The following CA7 variants were observed in gnomAD, a reference collection of about 807,000 sequenced individuals.
CA7 encodes carbonate dehydratase VII.
In CA7, 13 loss-of-function variants were observed where a neutral mutation model predicts 31.4. The observed-to-expected ratio is 0.41, with a 90% CI of 0.27 to 0.66. The LOEUF (loss-of-function observed/expected upper bound fraction) is 0.66. Ranked by LOEUF, CA7 falls within the 30% of genes least tolerant of loss-of-function variation. CA7 has a pLI of 0.28. For synonymous variants in CA7, 128 were observed against 133.2 expected (o/e 0.96, Z 0.27); for missense variants, 215 against 351.0 (o/e 0.61, Z 3.10).
At chr16:66,850,242 C>A (rs1429859990) in intron 2 of CA7, among the ~76,000 whole-genome samples, 1 of 151,938 alleles carries the variant, frequency 6.6e-6, no homozygotes, top group Admixed American at 6.6e-5. Context: ...GAGTTCAAGA[C>A]CAGCCTGGCC....
rs546549589 is a variant in CA7, at chr16:66,844,416, G to A, written c.-72G>A. 1.5e-6 allele frequency: 2 copies of A among 1,332,120 alleles called. No individual in the cohort carries two copies. The highest frequency in any genetic ancestry group is 2.8e-5 in the East Asian group (1 of 36,204). The allele number at this position is 1,332,120 out of a possible 1,614,324, so 82.5% of individuals were successfully genotyped here. A position where few individuals can be genotyped will look rare whatever the true frequency, so the allele number is the denominator to read the frequency against. ...GAGGCTGCTCCGCGGTAGCGAGCGGGGCCGGAGCCGCAGCCCGAACGAGCG... is the reference window on the plus strand; with the variant it reads ...GAGGCTGCTCCGCGGTAGCGAGCGGAGCCGGAGCCGCAGCCCGAACGAGCG... On this transcript the variant is annotated 5_prime_UTR_variant, in exon 1 of 7. Coordinates refer to ENST00000338437, the MANE Select transcript of CA7 (RefSeq NM_005182.3).
In CA7 at chr16:66,851,542, T is replaced by C; in HGVS notation, c.437T>C (p.Val146Ala). The change falls in exon 4 of 7, where the codon GTT becomes GCT. Residue 146 changes from valine (V) to alanine (A), a missense_variant. By Grantham distance (64) the Val-to-Ala change is moderately conservative. Transcript: ENST00000338437. ...AASAPDGLAV[V>A]GVFLETGDEH... is the part of the protein sequence containing the mutation. The stretch of plus-strand genomic sequence containing the variant: ...TCAGCACCTGATGGCCTGGCTGTGG[T>C]TGGTGTTTTTTTGGAGGTGAGTGGT... 2 of 1,613,886 alleles carry C rather than the reference T, an allele frequency of 1.2e-6. No homozygotes were observed. The highest frequency in any genetic ancestry group is 1.7e-6 in the Non-Finnish European group (2 of 1,179,944).
rs1961106738 is a variant in CA7, at chr16:66,853,318, G to C, written c.673-58G>C. 4 of 1,609,538 alleles carry C rather than the reference G, an allele frequency of 2.5e-6. No homozygotes were observed. The South Asian group carries it at 4.4e-5, about 18-fold the overall frequency. On this transcript the variant is annotated intron_variant, in intron 6 of 6. Coordinates refer to ENST00000338437, the MANE Select transcript of CA7 (RefSeq NM_005182.3). This position sits in a 1 kb window ranked among gnomAD's most constrained non-coding sequence, Gnocchi z 4.5. ...AGGTATGCCAGATGATGCATCTGGG[G>C]TCATAGAGGACCACAGCACCCCCAA... is the stretch of plus-strand genomic sequence containing the variant.
chr16:66,845,047 G>A (rs1284135447), intron 1 of CA7: 1 of 986,076 alleles, frequency 1.0e-6, no homozygotes, highest in Non-Finnish European at 1.2e-6. Flanking sequence ...CGGTACGTGA[G>A]GGAAGGGGGC....
chr16:66,849,215 T>C (rs561215037), intron 2 of CA7, among the ~76,000 whole-genome samples: 3 of 152,180 alleles, frequency 2.0e-5, no homozygotes, highest in South Asian at 4.1e-4. Context: ...GCTCACTGGG[T>C]GTCAAGGCAA....
chr16:66,851,434 C>T (rs373509716), intron 3 of CA7, 29 bp from the exon 4 acceptor site: 161 of 1,587,942 alleles, frequency 1.0e-4, no homozygotes, highest in East Asian at 2.9e-4. Context: ...CTGGGAGGCA[C>T]GAAGCATTGG....
chr16:66,845,295 T>G, intron 1 of CA7: 1 of 943,142 alleles, frequency 1.1e-6, no homozygotes. Context: ...GGGCCATTTC[T>G]TACCAAGCAG....
chr16:66,847,333 C>A, intron 2 of CA7, 106 bp downstream of exon 2: 2 of 933,840 alleles, frequency 2.1e-6, no homozygotes, highest in Non-Finnish European at 3.4e-6. Context: ...AAGAAAGGTT[C>A]CTCCTCTCAC....
rs1435978177 is a variant in CA7 at position 66,853,535 on chromosome 16, C to T, written c.*37C>T. 1 of 1,611,452 alleles carries T rather than the reference C, an allele frequency of 6.2e-7. No homozygotes were observed. The highest frequency in any genetic ancestry group is 1.1e-5 in the South Asian group (1 of 90,986). ...GCCTAGCCGGCCACTAGGGCACCAT[C>T]TTCTCAAGGGCTTCCATGTCAGCAG... On this transcript the variant is annotated 3_prime_UTR_variant, in exon 7 of 7. Coordinates refer to ENST00000338437, the MANE Select transcript of CA7 (RefSeq NM_005182.3). The surrounding 1 kb of genome is among the most constrained non-coding windows in gnomAD (Gnocchi z 4.5).
At chr16:66,844,831 A>C (rs1960889788) in intron 1 of CA7, 15 of 913,830 alleles carry the variant, frequency 1.6e-5, no homozygotes, top group Middle Eastern at 4.1e-4. Context: ...CCAGACTCTC[A>C]CTCACTCGCC....
chr16:66,851,521 C>T lies in CA7; in HGVS notation c.416C>T (p.Ala139Val). 1 of 1,614,110 alleles carries T rather than the reference C, an allele frequency of 6.2e-7. No homozygotes were observed. Among genetic ancestry groups the T allele is most frequent in the Non-Finnish European group, 8.5e-7 (1 of 1,180,004 alleles). The change falls in exon 4 of 7, where the codon GCA (alanine) becomes GTA (valine). Residue 139 changes from alanine (A) to valine (V), a missense_variant. Ala to Val is a moderately conservative substitution (Grantham distance 64). Transcript: ENST00000338437. The part of the protein sequence containing the change: ...KYSTFGEAAS[A>V]PDGLAVVGVF... ...AGCACTTTTGGGGAGGCGGCCTCAG[C>T]ACCTGATGGCCTGGCTGTGGTTGGT...
chr16:66,853,087 AC>A lies in CA7; in HGVS notation c.672+225del, dbSNP rs1240543333. Among the ~76,000 whole-genome samples, 1 of 151,976 alleles carries A rather than the reference AC, an allele frequency of 6.6e-6. No individual in the cohort carries two copies. The highest frequency in any genetic ancestry group is 1.5e-5 in the Non-Finnish European group (1 of 67,974). On this transcript the variant is annotated intron_variant, in intron 6 of 6. Coordinates refer to ENST00000338437, the MANE Select transcript of CA7 (RefSeq NM_005182.3). The surrounding 1 kb of genome is among the most constrained non-coding windows in gnomAD (Gnocchi z 4.5). ...GGAGCGGGGATACCTGGATCCTGGG[AC>A]CCCCACCCCCGCTACTGTGTTGGAA... is the stretch of plus-strand genomic sequence containing the variant.
Position 66,853,257 on chromosome 16 carries a change from A to G in CA7, c.673-119A>G. The G allele has an allele frequency of 3.9e-6, 5 of 1,267,792 alleles. No individual in the cohort carries two copies. Among genetic ancestry groups the G allele is most frequent in the Non-Finnish European group, 4.5e-6 (4 of 888,532 alleles). The allele number at this position is 1,267,792 out of a possible 1,614,324, so 78.5% of individuals were successfully genotyped here. A position where few individuals can be genotyped will look rare whatever the true frequency, so the allele number is the denominator to read the frequency against. ...GTGGGGAAGAGTAGGGACAGACCCT[A>G]AGGGAAGGAGGAGGGAGGGGTAGAG... On this transcript the variant is annotated intron_variant, in intron 6 of 6. Coordinates refer to ENST00000338437, the MANE Select transcript of CA7 (RefSeq NM_005182.3). The surrounding 1 kb of genome is among the most constrained non-coding windows in gnomAD (Gnocchi z 4.5).
intron 1 of CA7, among the ~76,000 whole-genome samples, chr16:66,846,056 G>T (rs1002254807): frequency 1.3e-5 from 2 of 152,150 alleles, no homozygotes; most frequent in African/African-American, 4.8e-5. Context: ...AGCACCAGCC[G>T]GCAGTAGCTC....
At chr16:66,844,963 G>T (rs1004786475) in intron 1 of CA7, 13 of 998,404 alleles carry the variant, frequency 1.3e-5, no homozygotes, top group Middle Eastern at 5.0e-4. Context: ...GGGGGAGCGG[G>T]GCTCCGCGTG....
chr16:66,851,329 C>A, intron 3 of CA7, 134 bp from the exon 4 acceptor site: 1 of 806,270 alleles, frequency 1.2e-6, no homozygotes, highest in Non-Finnish European at 2.1e-6. Flanking sequence ...CCCCCAGCAT[C>A]CTAATCCTTG....
intron 2 of CA7, among the ~76,000 whole-genome samples, chr16:66,848,955 G>A (rs1960982561): frequency 6.6e-6 from 1 of 152,182 alleles, no homozygotes; most frequent in African/African-American, 2.4e-5. Flanking sequence ...CAGTGCCCAG[G>A]TCTTGCCTCT....
intron 1 of CA7, among the ~76,000 whole-genome samples, chr16:66,846,686 G>A (rs750806043): frequency 3.9e-5 from 6 of 152,186 alleles, no homozygotes; most frequent in Non-Finnish European, 7.3e-5. Flanking sequence ...TACTGATGGG[G>A]TCAGGTCAGA....
In CA7 at chr16:66,847,061, T is replaced by C; in HGVS notation, c.72T>C (p.Ile24=). The change falls in exon 2 of 7, where the codon ATT becomes ATC. Residue 24 remains isoleucine, a synonymous_variant. Transcript: ENST00000338437. ...GPSHWHKLYP[I]AQGDRQSPIN... ...CGCATTGGCACAAGCTGTATCCCATTGCCCAGGGAGATCGCCAATCACCCA... is the reference window on the plus strand; with the variant it reads ...CGCATTGGCACAAGCTGTATCCCATCGCCCAGGGAGATCGCCAATCACCCA... 6.2e-7 allele frequency: 1 copy of C among 1,614,214 alleles called. No homozygotes were observed. The highest frequency in any genetic ancestry group is 8.5e-7 in the Non-Finnish European group (1 of 1,180,036).
Sources: allele counts gnomAD v4.1 joint callset (sites outside exome capture counted in the v4.1 genomes callset), GRCh38; gene constraint gnomAD v4.1.1; non-coding constraint Gnocchi (gnomAD v3.1); transcripts MANE v1.5; gene names NCBI Gene and HGNC (gene_info 2026-07-23, HGNC 2026-07-21).